Variants in GSG1L observed in about 807,000 individuals in gnomAD.
The protein encoded by GSG1L is GSG1 like, also known as germ cell-specific gene 1-like protein.
Under a neutral mutation model 42.1 loss-of-function variants are expected in GSG1L, and 24 were observed. The observed-to-expected ratio is 0.57, with a 90% CI of 0.41 to 0.80. The LOEUF is 0.80. Ranked by LOEUF, GSG1L falls within the 30% of genes least tolerant of loss-of-function variation. GSG1L has a pLI of 0.00. For missense variants in GSG1L, 445 were observed against 472.2 expected, an observed-to-expected ratio of 0.94 and a Z score of 0.53; for synonymous variants, 215 against 203.5, an observed-to-expected ratio of 1.06 and a Z score of -0.48.
chr16:27,920,463 TGCC>T lies in GSG1L; in HGVS notation c.398-35828_398-35826del, dbSNP rs560524515. Among the ~76,000 whole-genome samples, 586 of 152,358 alleles carry T rather than the reference TGCC, an allele frequency of 3.8e-3. 4 individuals carry two copies. Among genetic ancestry groups the T allele is most frequent in the Non-Finnish European group, 5.9e-3 (398 of 68,026 alleles). ...GACGCCACCTCCAGGGAAACTGCAG[TGCC>T]TTCTGTCCTCCACCATGGCTGCACA... On this transcript the variant is annotated intron_variant, in intron 2 of 6. Coordinates refer to ENST00000447459, the MANE Select transcript of GSG1L (RefSeq NM_001109763.2).
chr16:27,974,064 G>A (rs1388166471), intron 1 of GSG1L, among the ~76,000 whole-genome samples: 1 of 152,106 alleles, frequency 6.6e-6, no homozygotes, highest in Non-Finnish European at 1.5e-5. Context: ...AAGGTGAATG[G>A]AGCTGGCATC....
At chr16:27,966,332 C>T (rs561480094) in intron 1 of GSG1L, among the ~76,000 whole-genome samples, 85 of 152,098 alleles carry the variant, frequency 5.6e-4, no homozygotes, top group Non-Finnish European at 1.2e-3. Flanking sequence ...AGCGAGACCC[C>T]ATTTCTACAA....
At chr16:27,846,982 C>T (rs986777838) in intron 3 of GSG1L, among the ~76,000 whole-genome samples, 1 of 149,088 alleles carries the variant, frequency 6.7e-6, no homozygotes, top group African/African-American at 2.5e-5. Context: ...AAAATCTGAA[C>T]CTTGCCTATG....
At chr16:27,828,474 G>A (rs959295774) in intron 5 of GSG1L, among the ~76,000 whole-genome samples, 3 of 152,160 alleles carry the variant, frequency 2.0e-5, no homozygotes, top group Non-Finnish European at 2.9e-5. Context: ...ACCTTGGTTC[G>A]GCTTCTTTAT....
chr16:27,937,723 T>C (rs1022975739), intron 2 of GSG1L, among the ~76,000 whole-genome samples: 25 of 151,894 alleles, frequency 1.6e-4, no homozygotes, highest in Non-Finnish European at 8.8e-5. Flanking sequence ...AGAAGAAAAA[T>C]TGGCTTCAAG....
intron 4 of GSG1L, among the ~76,000 whole-genome samples, chr16:27,835,726 C>T (rs8061373): frequency 0.019 from 2,949 of 152,130 alleles, 100 homozygotes; most frequent in African/African-American, 0.068. Context: ...CATAACTAAT[C>T]ACAGTCTACT....
intron 1 of GSG1L, among the ~76,000 whole-genome samples, chr16:28,012,368 T>C (rs2085730481): frequency 1.3e-5 from 2 of 152,200 alleles, no homozygotes; most frequent in Non-Finnish European, 2.9e-5. Flanking sequence ...TGAAACTCAC[T>C]TGCTGTGTGA....
At chr16:27,873,215 A>T (rs555312443) in intron 3 of GSG1L, among the ~76,000 whole-genome samples, 1 of 152,238 alleles carries the variant, frequency 6.6e-6, no homozygotes, top group Admixed American at 6.5e-5. Flanking sequence ...TCTAAAATCC[A>T]AATGTTTTTT....
At chr16:28,052,062 A>AT (rs1290823097) in intron 1 of GSG1L, among the ~76,000 whole-genome samples, 2 of 152,062 alleles carry the variant, frequency 1.3e-5, no homozygotes, top group African/African-American at 4.8e-5. Flanking sequence ...TTGCCAATAG[A>AT]TTAAATGAGC....
At chr16:27,902,573 G>A (rs2084273362) in intron 2 of GSG1L, among the ~76,000 whole-genome samples, 1 of 152,194 alleles carries the variant, frequency 6.6e-6, no homozygotes, top group South Asian at 2.1e-4. Context: ...GAGAGGGGGG[G>A]CCGCTGGTGC....
intron 4 of GSG1L, among the ~76,000 whole-genome samples, chr16:27,840,850 C>T (rs1045325762): frequency 5.9e-5 from 9 of 152,088 alleles, no homozygotes; most frequent in Non-Finnish European, 1.3e-4. Flanking sequence ...CCAGCCACCG[C>T]CAGCCGGCAC....
intron 2 of GSG1L, among the ~76,000 whole-genome samples, chr16:27,928,140 A>G (rs923096273): frequency 6.6e-6 from 1 of 152,244 alleles, no homozygotes; most frequent in African/African-American, 2.4e-5. Context: ...TTTATCTAGC[A>G]TATGCCCTGT....
chr16:27,797,055 A>G (rs1224418265), intron 6 of GSG1L, among the ~76,000 whole-genome samples: 1 of 152,170 alleles, frequency 6.6e-6, no homozygotes, highest in Non-Finnish European at 1.5e-5. Context: ...ATCCTCAAAA[A>G]TACGAGTTAG....
chr16:27,943,006 G>C (rs1163457979), intron 2 of GSG1L, among the ~76,000 whole-genome samples: 1 of 152,186 alleles, frequency 6.6e-6, no homozygotes, highest in Non-Finnish European at 1.5e-5. Flanking sequence ...TTCTAGTTCA[G>C]GAGGTCCGTA....
At chr16:28,034,387 C>A (rs945697102) in intron 1 of GSG1L, among the ~76,000 whole-genome samples, 1 of 152,154 alleles carries the variant, frequency 6.6e-6, no homozygotes, top group Non-Finnish European at 1.5e-5. Context: ...CTGCAAGCGA[C>A]AAAATCCAGC....
At chr16:27,927,376 G>A (rs1406798618) in intron 2 of GSG1L, among the ~76,000 whole-genome samples, 1 of 151,990 alleles carries the variant, frequency 6.6e-6, no homozygotes, top group East Asian at 1.9e-4. Flanking sequence ...GGATATTTTG[G>A]CGATGAGAAT....
chr16:28,063,180 G>C lies in GSG1L; in HGVS notation c.245C>G (p.Pro82Arg), dbSNP rs573639761. Residue 82 changes from proline (P) to arginine (R), a missense_variant, in exon 1 of 7, where the codon CCT becomes CGT. Transcript: ENST00000447459. This position sits in a 1 kb window ranked among gnomAD's most constrained non-coding sequence, Gnocchi z 5.8. ...CTCCCAGCTGTAGAGCGCGCCGCCAGGGGGGCCGTTCCCCGAGGCGGTGGC... is the reference window on the plus strand; with the variant it reads ...CTCCCAGCTGTAGAGCGCGCCGCCACGGGGGCCGTTCCCCGAGGCGGTGGC... Reference protein sequence around the residue: ...AAATASGNGPPGGALYSWETG... With the variant: ...AAATASGNGPRGGALYSWETG... 3.9e-4 allele frequency: 523 copies of C among 1,330,586 alleles called. No individual in the cohort carries two copies. The highest frequency in any genetic ancestry group is 4.2e-4 in the Middle Eastern group (2 of 4,782). The allele number at this position is 1,330,586 out of a possible 1,614,324, so 82.4% of individuals were successfully genotyped here.
chr16:27,797,170 C>T (rs919561902), intron 6 of GSG1L, among the ~76,000 whole-genome samples: 3 of 152,222 alleles, frequency 2.0e-5, no homozygotes, highest in African/African-American at 4.8e-5. Flanking sequence ...GCCAGCTTCA[C>T]TCCAAAGGTT....
At chr16:28,036,077 C>T (rs747471015) in intron 1 of GSG1L, among the ~76,000 whole-genome samples, 3 of 152,108 alleles carry the variant, frequency 2.0e-5, no homozygotes, top group Admixed American at 6.5e-5. Context: ...TCCACCCACA[C>T]GCAAACTCCC....
Sources: gnomAD v4.1 joint callset for allele counts (sites outside exome capture counted in the v4.1 genomes callset) on GRCh38, gnomAD v4.1.1 for gene constraint, Gnocchi (gnomAD v3.1) non-coding constraint, MANE v1.5 for transcripts, NCBI Gene and HGNC (gene_info 2026-07-23, HGNC 2026-07-21) for gene names.